SIPA1L1: variants seen among roughly 807,000 people sequenced by gnomAD.
The protein encoded by SIPA1L1 is signal-induced proliferation-associated 1-like protein 1.
In SIPA1L1, 26 loss-of-function variants were observed where a neutral mutation model predicts 162.7. The ratio of observed to expected loss-of-function variants is 0.16; its 90% CI spans 0.12 to 0.22. SIPA1L1 has a LOEUF of 0.22. SIPA1L1 is among the 10% of genes least tolerant of loss of function. The pLI, the probability that SIPA1L1 is intolerant of heterozygous loss-of-function variation, is 1.00. For synonymous variants in SIPA1L1, 829 were observed against 837.4 expected (o/e 0.99, Z 0.17); for missense variants, 1,874 against 2,241.0 (o/e 0.84, Z 3.31).
chr14:71,593,226 T>G (rs1267358239), intron 5 of SIPA1L1, among the ~76,000 whole-genome samples: 1 of 138,014 alleles, frequency 7.2e-6, no homozygotes, highest in Admixed American at 7.2e-5. Context: ...TTTATTTATT[T>G]ATTGAGACAG....
chr14:71,323,643 C>G (rs2033420865), intron 2 of SIPA1L1, among the ~76,000 whole-genome samples: 2 of 151,584 alleles, frequency 1.3e-5, no homozygotes, highest in Non-Finnish European at 2.9e-5. Flanking sequence ...TTTTTTTTTC[C>G]CCTTTGGATC....
chr14:71,495,702 A>G lies in SIPA1L1; in HGVS notation c.-464-17041A>G, dbSNP rs535497637. Among the ~76,000 whole-genome samples, 8 of 151,720 alleles carry G rather than the reference A, an allele frequency of 5.3e-5. No individual in the cohort carries two copies. The South Asian group carries it at 1.7e-3, about 31-fold the overall frequency. On this transcript the variant is annotated intron_variant, in intron 2 of 23. Transcript: ENST00000381232. The stretch of plus-strand genomic sequence containing the variant: ...GTTACTTTACTGTTTAGTTTCTTAA[A>G]GTGAAGACGATTGAGATCTTTCTTA...
chr14:71,415,741 A>G (rs564985856), intron 2 of SIPA1L1, among the ~76,000 whole-genome samples: 2 of 151,516 alleles, frequency 1.3e-5, no homozygotes, highest in African/African-American at 4.8e-5. Flanking sequence ...TCTGTCTCCC[A>G]GACTGGAGTG....
chr14:71,444,902 A>G (rs151158298), intron 2 of SIPA1L1, among the ~76,000 whole-genome samples: 29 of 152,340 alleles, frequency 1.9e-4, no homozygotes, highest in African/African-American at 6.7e-4. Context: ...GGGAGCTACT[A>G]GCTAGTGCTT....
At chr14:71,537,595 A>C (rs2145625102) in intron 4 of SIPA1L1, among the ~76,000 whole-genome samples, 1 of 152,258 alleles carries the variant, frequency 6.6e-6, no homozygotes, top group Middle Eastern at 3.4e-3. Flanking sequence ...GATTTAGATA[A>C]AGTATTTTCA....
At chr14:71,700,315 G>T (rs1011098740) in intron 14 of SIPA1L1, among the ~76,000 whole-genome samples, 1 of 151,700 alleles carries the variant, frequency 6.6e-6, no homozygotes, top group African/African-American at 2.4e-5. Context: ...GAGAAGATCC[G>T]TGGAGGCTGG....
chr14:71,690,664 T>C (rs1443952136), intron 13 of SIPA1L1, among the ~76,000 whole-genome samples: 1 of 152,104 alleles, frequency 6.6e-6, no homozygotes, highest in African/African-American at 2.4e-5. Context: ...GTATTCCTGA[T>C]TTTTTTTGTA....
intron 16 of SIPA1L1, among the ~76,000 whole-genome samples, chr14:71,708,292 A>G (rs2082623384): frequency 6.7e-6 from 1 of 148,494 alleles, no homozygotes; most frequent in Non-Finnish European, 1.5e-5. Context: ...ATTTTTCTAT[A>G]TGGTAAGGAT....
At chr14:71,701,533 T>C (rs2082102449) in intron 14 of SIPA1L1, among the ~76,000 whole-genome samples, 1 of 152,176 alleles carries the variant, frequency 6.6e-6, no homozygotes, top group Non-Finnish European at 1.5e-5. Context: ...GGTCTTTTAT[T>C]ATATGGATTA....
chr14:71,628,071 GC>G (rs1472207774), intron 7 of SIPA1L1, among the ~76,000 whole-genome samples: 1 of 152,070 alleles, frequency 6.6e-6, no homozygotes, highest in Non-Finnish European at 1.5e-5. Context: ...GATTGCTTGA[GC>G]CCAGGAGTTC....
At position 71,359,545 on chromosome 14, in the gene SIPA1L1, A is replaced by G. The variant is rs541380644; in HGVS notation, c.-465+38364A>G. Among the ~76,000 whole-genome samples, 8 of 152,328 alleles carry G rather than the reference A, an allele frequency of 5.3e-5. No individual in the cohort carries two copies. The East Asian group carries it at 1.4e-3, about 26-fold the overall frequency. On this transcript the variant is annotated intron_variant, in intron 2 of 23. Coordinates refer to ENST00000381232, the MANE Select transcript of SIPA1L1 (RefSeq NM_001386936.1). ...TTATATATCCCCAGGATGAAAAATA[A>G]AAAGTGCCTGCCACATAGTAGATAA... is the stretch of plus-strand genomic sequence containing the variant.
chr14:71,430,159 C>T (rs1344095308), intron 2 of SIPA1L1, among the ~76,000 whole-genome samples: 1 of 152,158 alleles, frequency 6.6e-6, no homozygotes, highest in Admixed American at 6.5e-5. Context: ...TAAATGAGAG[C>T]TACTGCTGGG....
chr14:71,407,676 T>A (rs577917517), intron 2 of SIPA1L1, among the ~76,000 whole-genome samples: 63 of 152,326 alleles, frequency 4.1e-4, no homozygotes, highest in African/African-American at 1.5e-3. Context: ...CTGCCTAATT[T>A]ATGTTTTTTG....
intron 2 of SIPA1L1, among the ~76,000 whole-genome samples, chr14:71,468,684 A>G (rs1327714200): frequency 6.6e-6 from 1 of 152,192 alleles, no homozygotes; most frequent in East Asian, 1.9e-4. Context: ...CACATATCCA[A>G]ACCATGTCAC....
chr14:71,608,467 AT>A (rs892204656), intron 5 of SIPA1L1, among the ~76,000 whole-genome samples: 7 of 151,954 alleles, frequency 4.6e-5, no homozygotes, highest in African/African-American at 7.3e-5. Context: ...TTAGATGTTA[AT>A]TTTTTTTCCT....
At chr14:71,720,166 G>A (rs1193072959) in intron 17 of SIPA1L1, among the ~76,000 whole-genome samples, 1 of 152,080 alleles carries the variant, frequency 6.6e-6, no homozygotes, top group Non-Finnish European at 1.5e-5. Context: ...TGACCTTCTT[G>A]TACCTGGATA....
chr14:71,627,131 CTTTTTTTTTTTTTTTTTTTTTTTTTTTTT>C (rs71105788), intron 7 of SIPA1L1, among the ~76,000 whole-genome samples: 2 of 48,788 alleles, frequency 4.1e-5, no homozygotes, highest in Non-Finnish European at 7.1e-5. Context: ...ACTTTCACTA[CTTTTTTTTTTTTTTTTTTTTTTTTTTTTT>C]TTTTTTTTTT....
intron 12 of SIPA1L1, among the ~76,000 whole-genome samples, chr14:71,676,285 C>G (rs142190200): frequency 6.5e-4 from 99 of 151,306 alleles, no homozygotes; most frequent in African/African-American, 2.2e-3. Flanking sequence ...GAGGTAGACT[C>G]CATCTCAAAA....
At chr14:71,620,804 G>T (rs888824729) in intron 6 of SIPA1L1, among the ~76,000 whole-genome samples, 1 of 152,004 alleles carries the variant, frequency 6.6e-6, no homozygotes, top group African/African-American at 2.4e-5. Flanking sequence ...CCCTTGACCC[G>T]AAATGTTCTA....
Sources: allele counts gnomAD v4.1 joint callset (sites outside exome capture counted in the v4.1 genomes callset), GRCh38; gene constraint gnomAD v4.1.1; transcripts MANE v1.5; gene names NCBI Gene and HGNC (gene_info 2026-07-23, HGNC 2026-07-21).